The following ARHGAP29 variants were observed in gnomAD, a reference collection of about 807,000 sequenced individuals.
ARHGAP29 encodes the protein Rho GTPase activating protein 29.
A neutral mutation model predicts 122.6 loss-of-function variants in ARHGAP29; 43 were observed. That is an observed-to-expected ratio of 0.35 (90% confidence interval 0.27 to 0.45). The LOEUF (loss-of-function observed/expected upper bound fraction) is 0.45. ARHGAP29 is among the 20% of genes least tolerant of loss of function. The pLI, the probability that ARHGAP29 is intolerant of heterozygous loss-of-function variation, is 1.00. For synonymous variants in ARHGAP29, 506 were observed against 497.1 expected (o/e 1.02, Z -0.24); for missense variants, 1,303 against 1,477.2 (o/e 0.88, Z 1.93).
rs146090842 is a variant in ARHGAP29, at chr1:94,177,604, C to A, written c.2905+8G>T. The A allele has an allele frequency of 6.3e-7, 1 of 1,584,408 alleles. No homozygotes were observed. Among genetic ancestry groups the A allele is most frequent in the Admixed American group, 1.8e-5 (1 of 55,394 alleles). On this transcript the variant is annotated splice_region_variant and intron_variant, in intron 22 of 22. Coordinates refer to ENST00000260526, the MANE Select transcript of ARHGAP29 (RefSeq NM_004815.4). ...GCAAACATATTTTTTTTTTACATGG[C>A]TACTCACCACTGAGACATGCATCAC...
intron 2 of ARHGAP29, among the ~76,000 whole-genome samples, chr1:94,220,921 A>AT (rs1252603272): frequency 6.6e-6 from 1 of 152,140 alleles, no homozygotes; most frequent in Non-Finnish European, 1.5e-5. Context: ...CATATTCTAG[A>AT]TTTTGCCTAC....
chr1:94,200,920 A>C (rs996832236), intron 12 of ARHGAP29, among the ~76,000 whole-genome samples: 2 of 152,202 alleles, frequency 1.3e-5, no homozygotes, highest in African/African-American at 4.8e-5. Flanking sequence ...TGAAGGAATC[A>C]TTTTTAAGTG....
chr1:94,186,587 A>T lies in ARHGAP29; in HGVS notation c.1692T>A (p.His564Gln). The T allele has an allele frequency of 6.2e-7, 1 of 1,613,266 alleles. No homozygotes were observed. Among genetic ancestry groups the T allele is most frequent in the Non-Finnish European group, 8.5e-7 (1 of 1,179,432 alleles). The part of the protein sequence containing the change: ...DSESISPGDF[H>Q]RKLPRTPSSG... ...TGGATGGTGTTCGTGGAAGTTTTCGATGAAAGTCTCCTAGAAGAAAATTGT... is the reference window on the plus strand; with the variant it reads ...TGGATGGTGTTCGTGGAAGTTTTCGTTGAAAGTCTCCTAGAAGAAAATTGT... Residue 564 changes from histidine to glutamine, a missense_variant, in exon 16 of 23, where the codon CAT becomes CAA. Physicochemically the swap from His to Gln is conservative, Grantham distance 24. This residue lies in a region of ARHGAP29 where 592 missense variants were observed against 648.2 expected (regional missense o/e 0.91). Transcript: ENST00000260526.
the ARHGAP29 span, among the ~76,000 whole-genome samples, chr1:94,306,444 C>G: frequency 6.6e-6 from 1 of 152,200 alleles, no homozygotes; most frequent in African/African-American, 2.4e-5. Flanking sequence ...AATAAACCAG[C>G]AGGCAATTTG....
At chr1:94,282,342 A>C in the ARHGAP29 span, among the ~76,000 whole-genome samples, 1 of 151,876 alleles carries the variant, frequency 6.6e-6, no homozygotes, top group Admixed American at 6.6e-5. Context: ...GCCAGAGTGC[A>C]GTGGTGCAAT....
intron 2 of ARHGAP29, among the ~76,000 whole-genome samples, chr1:94,227,449 A>G (rs1390874012): frequency 6.6e-6 from 1 of 151,744 alleles, no homozygotes; most frequent in Non-Finnish European, 1.5e-5. Context: ...ATAGTCACAA[A>G]CCAAAAAATC....
At chr1:94,287,941 T>G in the ARHGAP29 span, among the ~76,000 whole-genome samples, 1 of 152,202 alleles carries the variant, frequency 6.6e-6, no homozygotes, top group Non-Finnish European at 1.5e-5. Context: ...TCTGCTATTG[T>G]GAATAGTCCC....
chr1:94,209,235 A>G lies in ARHGAP29; in HGVS notation c.437+19T>C. ...AGACACCTAGGACTAGTTGCTTTAA[A>G]TGACAGTTCTCTACTTACATATTTC... On this transcript the variant is annotated intron_variant, in intron 4 of 22. Transcript: ENST00000260526. 6.4e-7 allele frequency: 1 copy of G among 1,562,252 alleles called. No individual in the cohort carries two copies. The highest frequency in any genetic ancestry group is 8.8e-7 in the Non-Finnish European group (1 of 1,139,326).
At chr1:94,201,625 A>C in intron 12 of ARHGAP29, 95 bp downstream of exon 12, 7 of 1,480,772 alleles carry the variant, frequency 4.7e-6, no homozygotes, top group Non-Finnish European at 6.4e-6. Context: ...CTCCCACCTC[A>C]GCCTCCCAAA....
At chr1:94,232,351 C>G (rs556220972) in intron 1 of ARHGAP29, among the ~76,000 whole-genome samples, 6 of 152,112 alleles carry the variant, frequency 3.9e-5, no homozygotes, top group Non-Finnish European at 7.4e-5. Context: ...AATGCATATA[C>G]ATACATATAC....
intron 22 of ARHGAP29, chr1:94,177,128 A>C (rs1375494134): frequency 6.6e-6 from 1 of 152,332 alleles, no homozygotes; most frequent in Non-Finnish European, 1.5e-5. Flanking sequence ...AAGAAAAAAG[A>C]CATACACATC....
chr1:94,189,138 G>A, intron 14 of ARHGAP29, 78 bp downstream of exon 14: 1 of 1,505,092 alleles, frequency 6.6e-7, no homozygotes. Flanking sequence ...AAATTCCAGA[G>A]CACCAATTAA....
chr1:94,190,131 G>A (rs764617391), intron 12 of ARHGAP29, 48 bp from the exon 13 acceptor site: 1 of 1,579,458 alleles, frequency 6.3e-7, no homozygotes, highest in South Asian at 1.1e-5. Flanking sequence ...TATACAGAAT[G>A]CTATATAAAC....
At chr1:94,180,482 G>C (rs1276517055) in intron 19 of ARHGAP29, among the ~76,000 whole-genome samples, 1 of 152,092 alleles carries the variant, frequency 6.6e-6, no homozygotes, top group Non-Finnish European at 1.5e-5. Context: ...AACTAACAAA[G>C]GGCATGCCAT....
At chr1:94,206,662 T>G (rs1051755235) in intron 5 of ARHGAP29, among the ~76,000 whole-genome samples, 1 of 152,088 alleles carries the variant, frequency 6.6e-6, no homozygotes, top group African/African-American at 2.4e-5. Context: ...TTTGGGAGAC[T>G]GAGGCGGACG....
the ARHGAP29 span, among the ~76,000 whole-genome samples, chr1:94,304,196 G>C: frequency 1.3e-5 from 2 of 152,226 alleles, no homozygotes; most frequent in Non-Finnish European, 2.9e-5. Flanking sequence ...ATGGAGTGCA[G>C]TGGCGCCAGC....
At chr1:94,277,156 G>A (rs1408155235), upstream of ARHGAP29, among the ~76,000 whole-genome samples, 1 of 152,124 alleles carries the variant, frequency 6.6e-6, no homozygotes, top group Non-Finnish European at 1.5e-5. Context: ...ATTTTACTTT[G>A]GAATGTATTT....
chr1:94,284,122 A>G, the ARHGAP29 span, among the ~76,000 whole-genome samples: 4 of 151,804 alleles, frequency 2.6e-5, no homozygotes, highest in Non-Finnish European at 2.9e-5. Flanking sequence ...AGGGCTGGAA[A>G]CACAATTCAG....
chr1:94,182,962 T>C (rs1479888284), intron 19 of ARHGAP29, among the ~76,000 whole-genome samples: 4 of 152,118 alleles, frequency 2.6e-5, no homozygotes, highest in Non-Finnish European at 5.9e-5. Flanking sequence ...AAATTATAGC[T>C]AGATAAGGAG....
Sources: allele counts gnomAD v4.1 joint callset (sites outside exome capture counted in the v4.1 genomes callset), GRCh38; gene constraint gnomAD v4.1.1; regional missense constraint gnomAD v4.1.1; transcripts MANE v1.5; gene names NCBI Gene and HGNC (gene_info 2026-07-23, HGNC 2026-07-21).